SEMA6A: variants seen among roughly 807,000 people sequenced by gnomAD.
SEMA6A encodes the protein semaphorin-6A.
SEMA6A carries 25 observed loss-of-function variants against 96.8 expected under a neutral mutation model. That is an observed-to-expected ratio of 0.26 (90% CI 0.19 to 0.36). SEMA6A has a LOEUF of 0.36. SEMA6A is among the 10% of genes least tolerant of loss of function. The pLI, the probability that SEMA6A is intolerant of heterozygous loss-of-function variation, is 1.00. For synonymous variants in SEMA6A, 612 were observed against 518.0 expected (o/e 1.18, Z -2.46); for missense variants, 1,363 against 1,323.1 (o/e 1.03, Z -0.47).
chr5:116,569,956 G>A (rs1267115719), intron 1 of SEMA6A, among the ~76,000 whole-genome samples: 3 of 152,176 alleles, frequency 2.0e-5, no homozygotes, highest in Non-Finnish European at 4.4e-5. Flanking sequence ...GAGGTTATTT[G>A]GGAATCATCT....
chr5:116,572,383 G>A (rs1389513184), intron 1 of SEMA6A, among the ~76,000 whole-genome samples: 3 of 152,162 alleles, frequency 2.0e-5, no homozygotes, highest in Non-Finnish European at 2.9e-5. Context: ...AAAGACCGAC[G>A]CGAAAAAGCC....
At chr5:116,497,772 G>A (rs1757671031) in intron 3 of SEMA6A, among the ~76,000 whole-genome samples, 1 of 152,080 alleles carries the variant, frequency 6.6e-6, no homozygotes, top group Non-Finnish European at 1.5e-5. Flanking sequence ...CAAATACTTG[G>A]TATTCAACAT....
intron 9 of SEMA6A, chr5:116,487,304 T>G (rs1757103064): frequency 4.1e-6 from 1 of 243,960 alleles, no homozygotes; most frequent in African/African-American, 2.3e-5. Flanking sequence ...TCTGCCATCC[T>G]CACTAGCTGC....
chr5:116,526,197 A>G (rs994855091), intron 1 of SEMA6A, among the ~76,000 whole-genome samples: 2 of 151,680 alleles, frequency 1.3e-5, no homozygotes, highest in Admixed American at 6.6e-5. Context: ...TTTCTTTTCA[A>G]TCATTTTCCT....
chr5:116,531,888 C>T (rs1313888446), intron 1 of SEMA6A, among the ~76,000 whole-genome samples: 2 of 152,134 alleles, frequency 1.3e-5, no homozygotes, highest in Non-Finnish European at 2.9e-5. Flanking sequence ...CCAAGCCACT[C>T]ACCCTGCCAC....
intron 2 of SEMA6A, among the ~76,000 whole-genome samples, chr5:116,503,018 T>G (rs770129341): frequency 6.6e-6 from 1 of 152,196 alleles, no homozygotes; most frequent in Non-Finnish European, 1.5e-5. Flanking sequence ...GGTGAGTCAA[T>G]GAGCATATTT....
intron 13 of SEMA6A, 82 bp from the exon 14 acceptor site, chr5:116,478,236 C>A: frequency 6.7e-7 from 1 of 1,494,252 alleles, no homozygotes; most frequent in South Asian, 1.2e-5. Flanking sequence ...CTTCCCAGCC[C>A]ACAAGGCAAT....
At chr5:116,448,919 G>A (rs1561461347) in intron 18 of SEMA6A, among the ~76,000 whole-genome samples, 3 of 152,140 alleles carry the variant, frequency 2.0e-5, no homozygotes, top group Admixed American at 6.5e-5. Flanking sequence ...TGCACCTAGA[G>A]TTTGCTGTCA....
chr5:116,449,167 T>C (rs569231145), intron 18 of SEMA6A: 1 of 570,138 alleles, frequency 1.8e-6, no homozygotes, highest in African/African-American at 1.9e-5. Flanking sequence ...CTTAAGTGCT[T>C]GATGCAGTCG....
At chr5:116,454,467 G>C (rs1446750506) in intron 18 of SEMA6A, among the ~76,000 whole-genome samples, 1 of 152,170 alleles carries the variant, frequency 6.6e-6, no homozygotes, top group African/African-American at 2.4e-5. Flanking sequence ...CTGCAAGACA[G>C]TATAAATGAA....
Position 116,480,748 on chromosome 5 carries a change from G to T in SEMA6A, c.1095-471C>A, listed in dbSNP as rs73781093. Among the ~76,000 whole-genome samples the T allele has an allele frequency of 1.4e-3, 211 of 152,292 alleles. 1 individual carries two copies. The highest frequency in any genetic ancestry group is 4.7e-3 in the African/African-American group (194 of 41,556). Reference sequence around the variant, plus strand: ...AGGGTATGTGCCAGCAAGACTCCGTGTAATCATGTTTCATTACCTGGGGCT... The same window carrying T: ...AGGGTATGTGCCAGCAAGACTCCGTTTAATCATGTTTCATTACCTGGGGCT... On this transcript the variant is annotated intron_variant, in intron 11 of 18. Transcript: ENST00000343348.
intron 1 of SEMA6A, among the ~76,000 whole-genome samples, chr5:116,573,838 C>T (rs1020616341): frequency 6.6e-6 from 1 of 152,100 alleles, no homozygotes; most frequent in African/African-American, 2.4e-5. Context: ...CTGCTCCCTG[C>T]TGGGCACGCG....
At chr5:116,572,394 T>G (rs763348308) in intron 1 of SEMA6A, among the ~76,000 whole-genome samples, 3 of 152,200 alleles carry the variant, frequency 2.0e-5, no homozygotes, top group Non-Finnish European at 4.4e-5. Flanking sequence ...CGAAAAAGCC[T>G]GCAGGGCTCC....
chr5:116,550,816 C>T (rs1322417271), intron 1 of SEMA6A, among the ~76,000 whole-genome samples: 4 of 152,096 alleles, frequency 2.6e-5, no homozygotes, highest in Non-Finnish European at 5.9e-5. Context: ...TCAGAGGCTG[C>T]CAATATTGAC....
chr5:116,492,470 T>C (rs1757376485), intron 6 of SEMA6A: 1 of 152,220 alleles, frequency 6.6e-6, no homozygotes. Context: ...AATCTTAGAC[T>C]TCACAGCAGC....
At chr5:116,526,625 G>C (rs1355522736) in intron 1 of SEMA6A, among the ~76,000 whole-genome samples, 1 of 152,162 alleles carries the variant, frequency 6.6e-6, no homozygotes, top group African/African-American at 2.4e-5. Context: ...TAGATTTTAA[G>C]TTTTAACTTT....
intron 2 of SEMA6A, among the ~76,000 whole-genome samples, chr5:116,504,542 G>A (rs1260463799): frequency 1.3e-5 from 2 of 152,128 alleles, no homozygotes; most frequent in African/African-American, 2.4e-5. Context: ...AGATCATAGC[G>A]ATATTCTCCC....
rs773530866 is a variant in SEMA6A at position 116,447,627 on chromosome 5, G to A, written c.2079C>T (p.His693=). The A allele has an allele frequency of 1.2e-6, 2 of 1,614,040 alleles. No individual in the cohort carries two copies. The highest frequency in any genetic ancestry group is 1.7e-6 in the Non-Finnish European group (2 of 1,179,884). The part of the protein sequence containing the change: ...VVQRKEKELT[H]SRRGSMSSVT... ...CGCTGCTCATGGAGCCCCGGCGCGAGTGGGTGAGCTCCTTCTCCTTGCGCT... is the reference window on the plus strand; with the variant it reads ...CGCTGCTCATGGAGCCCCGGCGCGAATGGGTGAGCTCCTTCTCCTTGCGCT... The change falls in exon 19 of 19, where the codon CAC becomes CAT. Residue 693 remains histidine, a synonymous_variant. Transcript: ENST00000343348.
In SEMA6A at chr5:116,447,601, A is replaced by C. The variant is rs1381187344; in HGVS notation, c.2105T>G (p.Val702Gly). ...CCCAAAGAGGCCGCTGAGCTTGGTG[A>C]CGCTGCTCATGGAGCCCCGGCGCGA... ...THSRRGSMSS[V>G]TKLSGLFGDT... Residue 702 changes from valine (V) to glycine (G), a missense_variant, in exon 19 of 19, where the codon GTC becomes GGC. Coordinates refer to ENST00000343348, the MANE Select transcript of SEMA6A (RefSeq NM_020796.5). 1 of 1,613,974 alleles carries C rather than the reference A, an allele frequency of 6.2e-7. No homozygotes were observed.
Sources: allele counts gnomAD v4.1 joint callset (sites outside exome capture counted in the v4.1 genomes callset), GRCh38; gene constraint gnomAD v4.1.1; transcripts MANE v1.5; gene names NCBI Gene and HGNC (gene_info 2026-07-23, HGNC 2026-07-21).